Variants in KHDRBS2 observed in about 807,000 individuals in gnomAD.
KHDRBS2 encodes the protein KH domain-containing, RNA-binding, signal transduction-associated protein 2.
A neutral mutation model predicts 44.3 loss-of-function variants in KHDRBS2; 26 were observed. The observed-to-expected ratio is 0.59, with a 90% CI of 0.43 to 0.81. KHDRBS2 has a LOEUF of 0.81. KHDRBS2 is among the 40% of genes least tolerant of loss of function. The pLI is 0.00. For missense variants in KHDRBS2, 476 were observed against 433.1 expected, an observed-to-expected ratio of 1.10 and a Z score of -0.88; for synonymous variants, 194 against 151.1, an observed-to-expected ratio of 1.28 and a Z score of -2.08.
At chr6:61,917,583 C>A (rs1807253838) in intron 4 of KHDRBS2, among the ~76,000 whole-genome samples, 1 of 151,836 alleles carries the variant, frequency 6.6e-6, no homozygotes, top group Non-Finnish European at 1.5e-5. Context: ...CATGCCTTTG[C>A]CCAAACCCAA....
chr6:61,986,773 G>C (rs1229723787), intron 3 of KHDRBS2, among the ~76,000 whole-genome samples: 1 of 152,106 alleles, frequency 6.6e-6, no homozygotes, highest in Non-Finnish European at 1.5e-5. Flanking sequence ...TCCCACACAT[G>C]GCAGAAGAGA....
chr6:61,610,647 A>G, the KHDRBS2 span, among the ~76,000 whole-genome samples: 2 of 152,180 alleles, frequency 1.3e-5, no homozygotes, highest in Non-Finnish European at 2.9e-5. Flanking sequence ...ATGACACAGT[A>G]GTTGTCTCTC....
At chr6:61,619,083 A>C in the KHDRBS2 span, among the ~76,000 whole-genome samples, 1 of 152,152 alleles carries the variant, frequency 6.6e-6, no homozygotes, top group African/African-American at 2.4e-5. Flanking sequence ...AAGTGAGCTA[A>C]GTTTGGTGAA....
the KHDRBS2 span, among the ~76,000 whole-genome samples, chr6:61,556,115 G>T: frequency 2.0e-5 from 3 of 152,186 alleles, no homozygotes; most frequent in Non-Finnish European, 4.4e-5. Context: ...CAAGGTGCAG[G>T]ATGGAGGAGG....
chr6:62,138,886 G>A (rs1462729361), intron 2 of KHDRBS2, among the ~76,000 whole-genome samples: 1 of 151,708 alleles, frequency 6.6e-6, no homozygotes, highest in Non-Finnish European at 1.5e-5. Context: ...GTGCCTGCAT[G>A]TTTTTAAAGT....
At chr6:62,157,571 G>A (rs967247342) in intron 2 of KHDRBS2, among the ~76,000 whole-genome samples, 1 of 152,118 alleles carries the variant, frequency 6.6e-6, no homozygotes, top group African/African-American at 2.4e-5. Flanking sequence ...ATGTAGTATT[G>A]AAGTACGTAC....
chr6:61,901,387 G>T lies in KHDRBS2; in HGVS notation c.484-16C>A, dbSNP rs1037370341. The stretch of plus-strand genomic sequence containing the variant: ...CATTGTAGTCCTGGAGAAAAAACAT[G>T]ATGTGATGAGTTAAAAATGGGACAT... On this transcript the variant is annotated splice_polypyrimidine_tract_variant and intron_variant, in intron 4 of 8. Coordinates refer to ENST00000281156, the MANE Select transcript of KHDRBS2 (RefSeq NM_152688.4). The T allele has an allele frequency of 5.6e-6, 9 of 1,598,928 alleles. No individual in the cohort carries two copies. The African/African-American group carries it at 1.1e-4, about 19-fold the overall frequency.
chr6:61,826,482 T>C (rs140412374), intron 6 of KHDRBS2, among the ~76,000 whole-genome samples: 11 of 152,188 alleles, frequency 7.2e-5, no homozygotes, highest in African/African-American at 2.6e-4. Flanking sequence ...TGCCTCCTGC[T>C]TGCCCTTTCA....
the KHDRBS2 span, among the ~76,000 whole-genome samples, chr6:61,626,144 T>C: frequency 6.6e-6 from 1 of 152,256 alleles, no homozygotes; most frequent in African/African-American, 2.4e-5. Flanking sequence ...AAGGAAGTCA[T>C]ATTCCTTCTG....
chr6:62,283,300 C>A (rs188610660), intron 1 of KHDRBS2, among the ~76,000 whole-genome samples: 74 of 152,124 alleles, frequency 4.9e-4, no homozygotes, highest in African/African-American at 1.7e-3. Context: ...CCCAAAAACC[C>A]CAAATAAACA....
the KHDRBS2 span, among the ~76,000 whole-genome samples, chr6:61,599,083 G>C: frequency 6.6e-6 from 1 of 151,806 alleles, no homozygotes; most frequent in Non-Finnish European, 1.5e-5. Flanking sequence ...ACAGGTGCCT[G>C]CCACCACGTC....
intron 6 of KHDRBS2, among the ~76,000 whole-genome samples, chr6:61,833,015 T>C (rs1386968816): frequency 6.6e-6 from 1 of 152,234 alleles, no homozygotes; most frequent in African/African-American, 2.4e-5. Context: ...ACTTGGCATA[T>C]GTAATTTGTG....
At chr6:61,585,016 T>A in the KHDRBS2 span, among the ~76,000 whole-genome samples, 266 of 152,134 alleles carry the variant, frequency 1.7e-3, 2 homozygotes, top group African/African-American at 6.1e-3. Flanking sequence ...TCTTTGAAAC[T>A]ATTCTTGTAT....
intron 1 of KHDRBS2, among the ~76,000 whole-genome samples, chr6:62,236,992 C>T (rs1419274115): frequency 6.6e-6 from 1 of 152,096 alleles, no homozygotes; most frequent in East Asian, 1.9e-4. Context: ...TATTTTTGAG[C>T]TTCAATAACT....
chr6:61,554,663 G>T, the KHDRBS2 span, among the ~76,000 whole-genome samples: 2 of 152,180 alleles, frequency 1.3e-5, no homozygotes, highest in East Asian at 3.9e-4. Flanking sequence ...TCCTTTCCAT[G>T]TTTAGCCCTC....
chr6:61,638,402 G>A, the KHDRBS2 span, among the ~76,000 whole-genome samples: 5 of 152,044 alleles, frequency 3.3e-5, no homozygotes, highest in Admixed American at 6.6e-5. Context: ...AACAAGCAAT[G>A]GGGAAAGGAT....
chr6:61,888,857 G>A (rs887710839), intron 6 of KHDRBS2, among the ~76,000 whole-genome samples: 8 of 151,808 alleles, frequency 5.3e-5, no homozygotes, highest in African/African-American at 1.9e-4. Flanking sequence ...CACCGGGCCC[G>A]GCTGGTACAG....
At chr6:62,029,288 T>C (rs1455093387) in intron 3 of KHDRBS2, among the ~76,000 whole-genome samples, 4 of 151,916 alleles carry the variant, frequency 2.6e-5, no homozygotes, top group African/African-American at 9.7e-5. Flanking sequence ...TCAACATTAA[T>C]AGGACATGTA....
At chr6:61,545,492 A>G in the KHDRBS2 span, among the ~76,000 whole-genome samples, 2 of 119,742 alleles carry the variant, frequency 1.7e-5, no homozygotes, top group South Asian at 5.7e-4. Context: ...AAATATTTTT[A>G]GCTAATCTCT....
Sources: allele counts gnomAD v4.1 joint callset (sites outside exome capture counted in the v4.1 genomes callset), GRCh38; gene constraint gnomAD v4.1.1; transcripts MANE v1.5; gene names NCBI Gene and HGNC (gene_info 2026-07-23, HGNC 2026-07-21).